Variants in XDH observed in about 807,000 individuals in gnomAD.
XDH encodes the protein xanthine dehydrogenase.
In XDH, 138 loss-of-function variants were observed where a neutral mutation model predicts 156.1. The ratio of observed to expected loss-of-function variants is 0.88; its 90% CI spans 0.77 to 1.02. The LOEUF (loss-of-function observed/expected upper bound fraction) is 1.02. Among genes scored for constraint, XDH ranks in the 50% least tolerant of loss-of-function variants. The pLI, the probability that XDH is intolerant of heterozygous loss-of-function variation, is 0.00. For missense variants in XDH, 1,849 were observed against 1,684.9 expected (o/e 1.10, Z -1.71); for synonymous variants, 669 against 625.7 (o/e 1.07, Z -1.03).
At chr2:31,379,261 C>T (rs980169524) in intron 13 of XDH, among the ~76,000 whole-genome samples, 32 of 152,184 alleles carry the variant, frequency 2.1e-4, no homozygotes, top group African/African-American at 7.5e-4. Context: ...AAGAGCCACT[C>T]ATGAAGCAGG....
At chr2:31,340,257 T>C (rs764447245) in intron 33 of XDH, among the ~76,000 whole-genome samples, 6 of 152,190 alleles carry the variant, frequency 3.9e-5, no homozygotes, top group Non-Finnish European at 8.8e-5. Flanking sequence ...GCAATCATCT[T>C]TGGGTCTGCA....
At position 31,350,102 on chromosome 2, in the gene XDH, G is replaced by A; in HGVS notation, c.2753C>T (p.Pro918Leu). The change falls in exon 25 of 36, where the codon CCC (proline) becomes CTC (leucine). Residue 918 changes from proline to leucine, a missense_variant. Physicochemically the swap from Pro to Leu is moderately conservative, Grantham distance 98 (BLOSUM62 -3). Transcript: ENST00000379416. ...GCACTCGGCAATGAGCATCCCCTGG[G>A]GCCCCCCAAAGCCCCGGAAGGCCGT... ...SNTAFRGFGGPQGMLIAECWM... is the reference protein window; with the variant it reads ...SNTAFRGFGGLQGMLIAECWM... The A allele has an allele frequency of 6.2e-7, 1 of 1,614,248 alleles. No individual in the cohort carries two copies. The highest frequency in any genetic ancestry group is 8.5e-7 in the Non-Finnish European group (1 of 1,180,048).
rs558131253 is a variant in XDH at position 31,377,320 on chromosome 2, G to A, written c.1243-83C>T. ...GCAGACCCAAACCACAGGGCTATGA[G>A]GTGAGGTGAGGGGATAACACCATCA... On this transcript the variant is annotated intron_variant, in intron 13 of 35. Coordinates refer to ENST00000379416, the MANE Select transcript of XDH (RefSeq NM_000379.4). 46 of 1,486,486 alleles carry A rather than the reference G, an allele frequency of 3.1e-5. 1 individual carries two copies. The East Asian group carries it at 9.3e-4, about 30-fold the overall frequency. 92.1% of individuals were successfully genotyped at this position (1,486,486 alleles called of 1,614,324 possible). A position where few individuals can be genotyped will look rare whatever the true frequency, so the allele number is the denominator to read the frequency against.
Position 31,335,880 on chromosome 2 carries a change from C to T in XDH, c.*78G>A. The T allele has an allele frequency of 4.0e-6, 6 of 1,501,102 alleles. No individual in the cohort carries two copies. The highest frequency in any genetic ancestry group is 5.6e-6 in the Non-Finnish European group (6 of 1,077,282). 93.0% of individuals were successfully genotyped at this position (1,501,102 alleles called of 1,614,324 possible). ...CTGTCATTCTGTGACTTTAATAGAT[C>T]CATGTTCTGTGGTATGTTCCTCCTG... On this transcript the variant is annotated 3_prime_UTR_variant, in exon 36 of 36. Coordinates refer to ENST00000379416, the MANE Select transcript of XDH (RefSeq NM_000379.4).
intron 6 of XDH, among the ~76,000 whole-genome samples, 178 bp from the exon 7 acceptor site, chr2:31,388,473 G>C: frequency 6.6e-6 from 1 of 152,198 alleles, no homozygotes; most frequent in Non-Finnish European, 1.5e-5. Flanking sequence ...ATTCCCTCTT[G>C]CTTGGCTAAC....
At chr2:31,377,374 A>T in intron 13 of XDH, 137 bp from the exon 14 acceptor site, 1 of 881,746 alleles carries the variant, frequency 1.1e-6, no homozygotes, top group Non-Finnish European at 1.8e-6. Flanking sequence ...GGCCCCGGGA[A>T]TCAAAGATCA....
At chr2:31,379,256 C>A (rs1686362411) in intron 13 of XDH, among the ~76,000 whole-genome samples, 1 of 152,176 alleles carries the variant, frequency 6.6e-6, no homozygotes, top group Non-Finnish European at 1.5e-5. Context: ...GCCAGAAGAG[C>A]CACTCATGAA....
At chr2:31,390,629 A>G (rs1325983009) in intron 6 of XDH, among the ~76,000 whole-genome samples, 1 of 152,214 alleles carries the variant, frequency 6.6e-6, no homozygotes, top group Admixed American at 6.5e-5. Flanking sequence ...TCTCACCAGC[A>G]ATGAATGAGA....
intron 24 of XDH, among the ~76,000 whole-genome samples, chr2:31,356,205 G>T (rs572443452): frequency 6.6e-6 from 1 of 151,908 alleles, no homozygotes; most frequent in African/African-American, 2.4e-5. Flanking sequence ...TCTCAAAATT[G>T]GTAGCAAAAA....
chr2:31,395,310 G>A (rs962955916), intron 6 of XDH, among the ~76,000 whole-genome samples: 5 of 152,198 alleles, frequency 3.3e-5, no homozygotes, highest in African/African-American at 9.6e-5. Context: ...GGAGGGGGCT[G>A]GGCTTGTGTA....
intron 24 of XDH, among the ~76,000 whole-genome samples, chr2:31,357,772 G>A (rs1368515406): frequency 6.6e-6 from 1 of 151,874 alleles, no homozygotes; most frequent in Admixed American, 6.6e-5. Context: ...ACGTTACCCT[G>A]ATTTGTTTAT....
intron 24 of XDH, among the ~76,000 whole-genome samples, chr2:31,360,473 C>T (rs1215752871): frequency 6.6e-6 from 1 of 152,100 alleles, no homozygotes; most frequent in Admixed American, 6.5e-5. Context: ...TGCACTCCAG[C>T]CTGGGTGACA....
At chr2:31,339,388 T>TCC (rs1685059363) in intron 34 of XDH, 101 bp downstream of exon 34, 1 of 1,505,710 alleles carries the variant, frequency 6.6e-7, no homozygotes, top group Admixed American at 1.7e-5. Context: ...AGATATGCCC[T>TCC]TTGAAGTCCC....
chr2:31,386,684 A>G (rs1313931930), intron 8 of XDH, 129 bp from the exon 9 acceptor site: 6 of 1,248,016 alleles, frequency 4.8e-6, no homozygotes, highest in Non-Finnish European at 6.8e-6. Flanking sequence ...AGGAAGAAGC[A>G]AGGGGAAGTA....
intron 6 of XDH, among the ~76,000 whole-genome samples, chr2:31,393,082 G>C (rs1686810198): frequency 6.6e-6 from 1 of 152,210 alleles, no homozygotes; most frequent in Non-Finnish European, 1.5e-5. Flanking sequence ...TGCTCCACGT[G>C]AGCTTGAGAA....
intron 4 of XDH, 130 bp downstream of exon 4, chr2:31,401,090 G>A: frequency 6.7e-6 from 7 of 1,049,180 alleles, no homozygotes; most frequent in Non-Finnish European, 1.0e-5. Flanking sequence ...TGGCCAGGGT[G>A]AAATGCCTTC....
chr2:31,343,743 C>A (rs1558675681), intron 31 of XDH, among the ~76,000 whole-genome samples: 1 of 147,916 alleles, frequency 6.8e-6, no homozygotes. Flanking sequence ...TATATATGTT[C>A]ATATATAGGG....
rs1393621017 is a variant in XDH, at chr2:31,369,514, C to CA, written c.1980+840dup. 1.3e-4 allele frequency among the ~76,000 whole-genome samples: 20 copies of CA among 152,232 alleles called. No homozygotes were observed. The East Asian group carries it at 3.7e-3, about 28-fold the overall frequency. ...ACAATAGGAACCAACAATTAGTATG[C>CA]ATGTCTCTGATAATTATCTCTTATG... On this transcript the variant is annotated intron_variant, in intron 18 of 35. Transcript: ENST00000379416.
At chr2:31,343,305 TATATATA>T (rs1685177196) in intron 31 of XDH, among the ~76,000 whole-genome samples, 1 of 101,032 alleles carries the variant, frequency 9.9e-6, no homozygotes, top group African/African-American at 4.3e-5. Flanking sequence ...TATATATATA[TATATATA>T]TATATATATA....
Sources: gnomAD v4.1 joint callset for allele counts (sites outside exome capture counted in the v4.1 genomes callset) on GRCh38, gnomAD v4.1.1 for gene constraint, MANE v1.5 for transcripts, NCBI Gene and HGNC (gene_info 2026-07-23, HGNC 2026-07-21) for gene names.